The following PIRT variants were observed in gnomAD, a reference collection of about 807,000 sequenced individuals.
PIRT encodes phosphoinositide interacting regulator of transient receptor potential channels.
PIRT carries 6 observed loss-of-function variants against 7.9 expected under a neutral mutation model. The ratio of observed to expected loss-of-function variants is 0.76; its 90% confidence interval spans 0.42 to 1.51. PIRT has a LOEUF of 1.51. Ranked by LOEUF, PIRT falls within the 40% of genes most tolerant of loss-of-function variation. PIRT has a pLI of 0.01. For synonymous variants in PIRT, 78 were observed against 71.8 expected (o/e 1.09, Z -0.44); for missense variants, 170 against 172.9 (o/e 0.98, Z 0.09).
intron 1 of PIRT, among the ~76,000 whole-genome samples, chr17:10,832,431 G>T (rs1185069058): frequency 3.3e-5 from 5 of 152,122 alleles, no homozygotes; most frequent in Non-Finnish European, 7.4e-5. Context: ...AACCTCACGT[G>T]ATCCGCCCAC....
chr17:10,830,668 A>G (rs1905443503), intron 1 of PIRT, among the ~76,000 whole-genome samples: 1 of 152,198 alleles, frequency 6.6e-6, no homozygotes, highest in South Asian at 2.1e-4. Flanking sequence ...AGATAAGTCT[A>G]TAGGTAATGA....
chr17:10,835,859 G>T (rs1387302569), intron 1 of PIRT, among the ~76,000 whole-genome samples: 2 of 151,326 alleles, frequency 1.3e-5, no homozygotes, highest in African/African-American at 4.9e-5. Flanking sequence ...TTCCCATTTT[G>T]CAGCTAGGAG....
intron 1 of PIRT, among the ~76,000 whole-genome samples, chr17:10,829,965 GTCTATCTATCTATCTATCTA>G (rs10561822): frequency 6.9e-4 from 103 of 149,598 alleles, no homozygotes; most frequent in Admixed American, 1.5e-3. Context: ...ATGTCTGTCT[GTCTATCTATCTATCTATCTA>G]TCTATCTATC....
chr17:10,834,870 G>C (rs959014029), intron 1 of PIRT, among the ~76,000 whole-genome samples: 1 of 151,246 alleles, frequency 6.6e-6, no homozygotes, highest in Non-Finnish European at 1.5e-5. Flanking sequence ...GATTACAGAC[G>C]TGAGCCACTG....
rs148597666 is a variant in PIRT at position 10,825,008 on chromosome 17, G to A, written c.*224C>T. The stretch of plus-strand genomic sequence containing the variant: ...AGTGACCAAAGGGAAGGCCACAGCC[G>A]GGATCCAAGGAAGCATCAGTCAGAA... On this transcript the variant is annotated 3_prime_UTR_variant, in exon 2 of 2. Transcript: ENST00000580256. The A allele has an allele frequency of 2.2e-5, 13 of 603,848 alleles. No homozygotes were observed. Among genetic ancestry groups the A allele is most frequent in the Middle Eastern group, 4.4e-4 (1 of 2,262 alleles). The allele number at this position is 603,848 out of a possible 1,614,324, so 37.4% of individuals were successfully genotyped here. A position where few individuals can be genotyped will look rare whatever the true frequency, so the allele number is the denominator to read the frequency against.
chr17:10,833,526 G>A (rs980867366), intron 1 of PIRT, among the ~76,000 whole-genome samples: 1 of 152,160 alleles, frequency 6.6e-6, no homozygotes, highest in Non-Finnish European at 1.5e-5. Context: ...GGCCGAGGCA[G>A]CAGATCACTT....
intron 1 of PIRT, among the ~76,000 whole-genome samples, chr17:10,827,465 C>CTTTTCTTTTTTTTTTTTTTTTTT (rs1905353956): frequency 1.8e-5 from 1 of 56,292 alleles, no homozygotes; most frequent in African/African-American, 7.5e-5. Flanking sequence ...TTTTTCTTTT[C>CTTTTCTTTTTTTTTTTTTTTTTT]TTTTTTTTTT....
rs1286537848 is a variant in PIRT at position 10,825,720 on chromosome 17, C to T, written c.-75G>A. 1.5e-6 allele frequency: 2 copies of T among 1,378,506 alleles called. No individual in the cohort carries two copies. Among genetic ancestry groups the T allele is most frequent in the Non-Finnish European group, 1.9e-6 (2 of 1,049,760 alleles). 85.4% of individuals were successfully genotyped at this position (1,378,506 alleles called of 1,614,324 possible). A position where few individuals can be genotyped will look rare whatever the true frequency, so the allele number is the denominator to read the frequency against. On this transcript the variant is annotated 5_prime_UTR_variant, in exon 2 of 2. Transcript: ENST00000580256. ...TGGAGCCAAAGGAATCCTCACACAC[C>T]CTTCCTGTACTCAGCATCCATCTCT... is the stretch of plus-strand genomic sequence containing the variant.
At chr17:10,831,234 G>A (rs1256302961) in intron 1 of PIRT, among the ~76,000 whole-genome samples, 1 of 152,200 alleles carries the variant, frequency 6.6e-6, no homozygotes, top group Non-Finnish European at 1.5e-5. Context: ...CTTCAATTAA[G>A]TTACTGGTAG....
intron 1 of PIRT, among the ~76,000 whole-genome samples, chr17:10,827,906 G>A (rs902077264): frequency 3.3e-5 from 5 of 152,172 alleles, no homozygotes; most frequent in Non-Finnish European, 5.9e-5. Context: ...GTTTGAGAGA[G>A]CCCAGGTTCC....
At chr17:10,837,914 G>A (rs969988780) in intron 1 of PIRT, 31 bp downstream of exon 1, 1 of 152,242 alleles carries the variant, frequency 6.6e-6, no homozygotes. Context: ...ATGGAAGGAA[G>A]GGCAGAAGGA....
intron 1 of PIRT, among the ~76,000 whole-genome samples, chr17:10,826,300 C>T (rs1351303116): frequency 6.6e-6 from 1 of 152,166 alleles, no homozygotes; most frequent in Non-Finnish European, 1.5e-5. Context: ...ATTTTCAGAC[C>T]CAACCACTTT....
rs368968440 is a variant in PIRT at position 10,828,732 on chromosome 17, C to T, written c.-138-2949G>A. Among the ~76,000 whole-genome samples, 6 of 152,344 alleles carry T rather than the reference C, an allele frequency of 3.9e-5. No homozygotes were observed. In the East Asian group the frequency reaches 9.7e-4, roughly 25 times the overall value. On this transcript the variant is annotated intron_variant, in intron 1 of 1. Coordinates refer to ENST00000580256, the MANE Select transcript of PIRT (RefSeq NM_001101387.2). ...TCAATTTCAGCGGAGTCCCTCCAAC[C>T]TGTTCATTCCAACCCTCACTGCTCA...
intron 1 of PIRT, among the ~76,000 whole-genome samples, chr17:10,827,475 T>TTC (rs1905358794): frequency 8.1e-6 from 1 of 123,610 alleles, no homozygotes; most frequent in Non-Finnish European, 1.6e-5. Context: ...CTTTTTTTTT[T>TTC]TTTTTTTTTT....
intron 1 of PIRT, among the ~76,000 whole-genome samples, chr17:10,829,680 A>T (rs1180476289): frequency 6.6e-6 from 1 of 152,212 alleles, no homozygotes. Flanking sequence ...ATCCTGTAGT[A>T]AAATAATCTC....
chr17:10,836,832 T>C (rs9901791), intron 1 of PIRT, among the ~76,000 whole-genome samples: 4,749 of 152,270 alleles, frequency 0.031, 231 homozygotes, highest in African/African-American at 0.11. Flanking sequence ...CCATGTATTA[T>C]TCCTGTGGAA....
At chr17:10,833,529 G>A (rs1322834252) in intron 1 of PIRT, among the ~76,000 whole-genome samples, 1 of 152,182 alleles carries the variant, frequency 6.6e-6, no homozygotes, top group Non-Finnish European at 1.5e-5. Context: ...CGAGGCAGCA[G>A]ATCACTTGAG....
chr17:10,833,840 A>T (rs1905520924), intron 1 of PIRT, among the ~76,000 whole-genome samples: 1 of 152,244 alleles, frequency 6.6e-6, no homozygotes, highest in Non-Finnish European at 1.5e-5. Context: ...AATAAACATT[A>T]CATATAACAA....
Position 10,825,488 on chromosome 17 carries a change from C to T in PIRT, c.158G>A (p.Arg53His), listed in dbSNP as rs372833831. ...TTPRSNWEIY[R>H]KPIVIMSVGG... ...CACTGACATGATAACGATGGGCTTG[C>T]GGTAGATTTCCCAGTTACTCCTGGG... Residue 53 changes from arginine (R) to histidine (H), a missense_variant, in exon 2 of 2, where the codon CGC (arginine) becomes CAC (histidine). By Grantham distance (29) the Arg-to-His change is conservative (BLOSUM62 0). Transcript: ENST00000580256. 38 of 1,613,838 alleles carry T rather than the reference C, an allele frequency of 2.4e-5. No individual in the cohort carries two copies. The Middle Eastern group carries it at 4.9e-4, about 21-fold the overall frequency.
Sources: gnomAD v4.1 joint callset for allele counts (sites outside exome capture counted in the v4.1 genomes callset) on GRCh38, gnomAD v4.1.1 for gene constraint, MANE v1.5 for transcripts, NCBI Gene and HGNC (gene_info 2026-07-23, HGNC 2026-07-21) for gene names.